Variants in MYL3 observed in about 807,000 individuals in gnomAD.
MYL3 encodes myosin light chain 3, also known as CMLC1.
Under a neutral mutation model 21.3 loss-of-function variants are expected in MYL3, and 11 were observed. The ratio of observed to expected loss-of-function variants is 0.52; its 90% CI spans 0.32 to 0.85. The LOEUF (loss-of-function observed/expected upper bound fraction) is 0.85, where lower values mean the gene tolerates loss of function less well. Ranked by LOEUF, MYL3 falls within the 40% of genes least tolerant of loss-of-function variation. The pLI, the probability that MYL3 is intolerant of heterozygous loss-of-function variation, is 0.03. For missense variants in MYL3, 206 were observed against 253.3 expected (o/e 0.81, Z 1.27); for synonymous variants, 88 against 91.6 (o/e 0.96, Z 0.22).
chr3:46,866,838 AC>A (rs1559521583), upstream of MYL3, among the ~76,000 whole-genome samples: 3 of 151,874 alleles, frequency 2.0e-5, no homozygotes, highest in African/African-American at 7.3e-5. Context: ...CCCCATGCCC[AC>A]CCCAATTCAG....
chr3:46,868,830 G>A (rs1028124450), intron 1 of MYL3, among the ~76,000 whole-genome samples: 1 of 152,210 alleles, frequency 6.6e-6, no homozygotes, highest in Non-Finnish European at 1.5e-5. Flanking sequence ...AATGTGTCTG[G>A]AGATACTGCA....
At chr3:46,862,338 A>G (rs1328865191) in intron 1 of MYL3, among the ~76,000 whole-genome samples, 1 of 152,248 alleles carries the variant, frequency 6.6e-6, no homozygotes, top group African/African-American at 2.4e-5. Flanking sequence ...ACCACGCCTC[A>G]GAGCAGCGAA....
In MYL3 at chr3:46,860,828, GC is replaced by G. The variant is rs776431941; in HGVS notation, c.158-4del. 6.2e-7 allele frequency: 1 copy of G among 1,614,006 alleles called. No homozygotes were observed. Among genetic ancestry groups the G allele is most frequent in the East Asian group, 2.2e-5 (1 of 44,882 alleles). On this transcript the variant is annotated splice_region_variant and splice_polypyrimidine_tract_variant and intron_variant, in intron 2 of 6. Coordinates refer to ENST00000292327, the MANE Select transcript of MYL3 (RefSeq NM_000258.3). This position sits in a 1 kb window ranked among gnomAD's most constrained non-coding sequence, Gnocchi z 4.6. ...CAGCATGAAGGCTTCCTTGAACTCT[GC>G]CAGGAGAGGGCAGTGAGCCACAGAC...
rs974663348 is a variant in MYL3, at chr3:46,861,821, G to A, written c.130-834C>T. On this transcript the variant is annotated intron_variant, in intron 1 of 6. Coordinates refer to ENST00000292327, the MANE Select transcript of MYL3 (RefSeq NM_000258.3). The surrounding 1 kb of genome is among the most constrained non-coding windows in gnomAD (Gnocchi z 4.2). ...GTCACACAAGGGAAAGGAGGTTGGG[G>A]GAGGGGCATGACTGGCGTCTCTCTC... Among the ~76,000 whole-genome samples, 2 of 152,204 alleles carry A rather than the reference G, an allele frequency of 1.3e-5. No homozygotes were observed. The highest frequency in any genetic ancestry group is 4.8e-5 in the African/African-American group (2 of 41,444).
rs1475968082 is a variant in MYL3 at position 46,858,055 on chromosome 3, T to A, written c.*60A>T. The A allele has an allele frequency of 2.7e-6, 2 of 732,294 alleles. No homozygotes were observed. Among genetic ancestry groups the A allele is most frequent in the Non-Finnish European group, 4.7e-6 (2 of 426,638 alleles). 45.4% of individuals were successfully genotyped at this position (732,294 alleles called of 1,614,324 possible). A position where few individuals can be genotyped will look rare whatever the true frequency, so the allele number is the denominator to read the frequency against. On this transcript the variant is annotated 3_prime_UTR_variant, in exon 7 of 7. Transcript: ENST00000292327. ...CGACTCCAGGCCGCTGGTGTCAGCA[T>A]CACACATGGGAGATGAGACGTCCCT...
In MYL3 at chr3:46,858,375, T is replaced by C; in HGVS notation, c.559+9A>G. ...CCTCCCAGAAGACCCCTGCCCCTGC[T>C]GAGCCCACCTTCATAGTTGATGCAG... On this transcript the variant is annotated intron_variant, in intron 5 of 6. Transcript: ENST00000292327. The C allele has an allele frequency of 6.2e-7, 1 of 1,613,976 alleles. No homozygotes were observed. The highest frequency in any genetic ancestry group is 8.5e-7 in the Non-Finnish European group (1 of 1,179,846).
intron 1 of MYL3, among the ~76,000 whole-genome samples, chr3:46,871,501 C>T (rs1459281098): frequency 6.6e-6 from 1 of 152,034 alleles, no homozygotes; most frequent in Admixed American, 6.6e-5. Context: ...GGAAGGCTCC[C>T]GACCCATTCC....
chr3:46,881,780 C>A (rs2030585395), intron 1 of MYL3, among the ~76,000 whole-genome samples: 1 of 151,904 alleles, frequency 6.6e-6, no homozygotes, highest in African/African-American at 2.4e-5. Context: ...GGCAGCCGAG[C>A]GGCCTCCCCA....
intron 1 of MYL3, among the ~76,000 whole-genome samples, chr3:46,877,309 C>A (rs114014705): frequency 0.021 from 3,171 of 152,236 alleles, 54 homozygotes; most frequent in Non-Finnish European, 0.034. Flanking sequence ...CACCTCCAGC[C>A]CCCCTCTGAT....
Position 46,859,390 on chromosome 3 carries a change from G to T in MYL3, c.481+85C>A. The T allele has an allele frequency of 6.5e-7, 1 of 1,550,300 alleles. No homozygotes were observed. The highest frequency in any genetic ancestry group is 8.9e-7 in the Non-Finnish European group (1 of 1,126,604). On this transcript the variant is annotated intron_variant, in intron 4 of 6. Coordinates refer to ENST00000292327, the MANE Select transcript of MYL3 (RefSeq NM_000258.3). This position sits in a 1 kb window ranked among gnomAD's most constrained non-coding sequence, Gnocchi z 4.1. Reference sequence around the variant, plus strand: ...ATGTAACTCTCTCCATTTCACCAATGGGTCACAGGCCTGGGGGGCAACAGA... The same window carrying T: ...ATGTAACTCTCTCCATTTCACCAATTGGTCACAGGCCTGGGGGGCAACAGA...
upstream of MYL3, among the ~76,000 whole-genome samples, chr3:46,865,744 C>A (rs1702042594): frequency 1.3e-5 from 2 of 152,204 alleles, no homozygotes. The surrounding 1 kb of genome is among the most constrained non-coding windows in gnomAD (Gnocchi z 4.3). Flanking sequence ...CCACATAGTG[C>A]CACCTTCCTC....
rs190986967 is a variant in MYL3 at position 46,870,995 on chromosome 3, C to T, written c.-217-4395G>A. Among the ~76,000 whole-genome samples, 150 of 152,316 alleles carry T rather than the reference C, an allele frequency of 9.8e-4. 2 individuals carry two copies. The highest frequency in any genetic ancestry group is 1.0e-3 in the Non-Finnish European group (69 of 68,032). ...ATAGAAACCTTTGCATGCATGTTCA[C>T]GCGCCTGTGCACACATATCCACACT... On this transcript the variant is annotated intron_variant, in intron 1 of 3. Coordinates refer to the MYL3 transcript ENST00000431168.
chr3:46,867,523 T>C (rs191056173), upstream of MYL3, among the ~76,000 whole-genome samples: 1 of 152,294 alleles, frequency 6.6e-6, no homozygotes, highest in East Asian at 1.9e-4. Flanking sequence ...GGTTGCCACG[T>C]GGAGGGTGGG....
At chr3:46,870,738 GTC>G (rs1161639521) in intron 1 of MYL3, among the ~76,000 whole-genome samples, 4 of 152,242 alleles carry the variant, frequency 2.6e-5, no homozygotes, top group Non-Finnish European at 5.9e-5. Flanking sequence ...CCTGATGTGT[GTC>G]TGTCTGGAGA....
upstream of MYL3, among the ~76,000 whole-genome samples, chr3:46,867,386 G>C (rs1448902462): frequency 6.6e-6 from 1 of 152,202 alleles, no homozygotes; most frequent in Non-Finnish European, 1.5e-5. Flanking sequence ...AGTGGGAAGG[G>C]GCACCGGGGG....
intron 1 of MYL3, among the ~76,000 whole-genome samples, chr3:46,868,988 A>T (rs1218001581): frequency 6.6e-6 from 1 of 152,184 alleles, no homozygotes. Flanking sequence ...GGGGGTGCCA[A>T]TGTGCTAATC....
In MYL3 at chr3:46,861,010, C is replaced by T; in HGVS notation, c.130-23G>A. 1 of 1,613,950 alleles carries T rather than the reference C, an allele frequency of 6.2e-7. No individual in the cohort carries two copies. The highest frequency in any genetic ancestry group is 8.5e-7 in the Non-Finnish European group (1 of 1,179,984). Reference sequence around the variant, plus strand: ...AATCTGAAAAGAGACCCCAAAGACTCAGATGCCCGGCTTAAAAGGTGGGGC... The same window carrying T: ...AATCTGAAAAGAGACCCCAAAGACTTAGATGCCCGGCTTAAAAGGTGGGGC... On this transcript the variant is annotated intron_variant, in intron 1 of 6. Coordinates refer to ENST00000292327, the MANE Select transcript of MYL3 (RefSeq NM_000258.3). This position sits in a 1 kb window ranked among gnomAD's most constrained non-coding sequence, Gnocchi z 4.2.
chr3:46,858,464 G>A lies in MYL3; in HGVS notation c.482-3C>T, dbSNP rs112503468. On this transcript the variant is annotated splice_region_variant and splice_polypyrimidine_tract_variant and intron_variant, in intron 4 of 6. Coordinates refer to ENST00000292327, the MANE Select transcript of MYL3 (RefSeq NM_000258.3). ...TTCGTCTTCTGTCAGCCTCTCACCTGGCAGGAGTGGGAGGCTGAGTCAGCA... is the reference window on the plus strand; with the variant it reads ...TTCGTCTTCTGTCAGCCTCTCACCTAGCAGGAGTGGGAGGCTGAGTCAGCA... 6.2e-7 allele frequency: 1 copy of A among 1,612,482 alleles called. No individual in the cohort carries two copies. The highest frequency in any genetic ancestry group is 1.7e-5 in the Admixed American group (1 of 60,028).
chr3:46,859,365 A>C lies in MYL3; in HGVS notation c.481+110T>G. The C allele has an allele frequency of 7.1e-7, 1 of 1,406,540 alleles. No homozygotes were observed. Among genetic ancestry groups the C allele is most frequent in the Non-Finnish European group, 1.0e-6 (1 of 1,003,344 alleles). 87.1% of individuals were successfully genotyped at this position (1,406,540 alleles called of 1,614,324 possible). A position where few individuals can be genotyped will look rare whatever the true frequency, so the allele number is the denominator to read the frequency against. On this transcript the variant is annotated intron_variant, in intron 4 of 6. Transcript: ENST00000292327. The surrounding 1 kb of genome is among the most constrained non-coding windows in gnomAD (Gnocchi z 4.1). ...TGTCTGCCATTGAGGCTCCCTAATT[A>C]TGTAACTCTCTCCATTTCACCAATG...
Sources: allele counts gnomAD v4.1 joint callset (sites outside exome capture counted in the v4.1 genomes callset), GRCh38; gene constraint gnomAD v4.1.1; non-coding constraint Gnocchi (gnomAD v3.1); transcripts MANE v1.5; gene names NCBI Gene and HGNC (gene_info 2026-07-23, HGNC 2026-07-21).